Variants in SHPRH observed in about 807,000 individuals in gnomAD.
SHPRH encodes the protein SNF2 histone linker PHD RING helicase, also known as E3 ubiquitin-protein ligase SHPRH.
SHPRH carries 106 observed loss-of-function variants against 202.5 expected under a neutral mutation model. The observed-to-expected ratio is 0.52, with a 90% CI of 0.45 to 0.62. SHPRH has a LOEUF of 0.62. Ranked by LOEUF, SHPRH falls within the 20% of genes least tolerant of loss-of-function variation. The pLI is 0.00. For synonymous variants in SHPRH, 729 were observed against 686.0 expected, an observed-to-expected ratio of 1.06 and a Z score of -0.98; for missense variants, 1,710 against 2,020.0, an observed-to-expected ratio of 0.85 and a Z score of 2.94.
In SHPRH at chr6:145,923,746, T is replaced by G; in HGVS notation, c.3442A>C (p.Arg1148=). The G allele has an allele frequency of 6.2e-7, 1 of 1,611,404 alleles. No homozygotes were observed. ...NSPWWLNVIH[R]AIEFTIDEEL... ...TCATCAATAGTAAATTCTATTGCTC[T>G]GTGGATCACATTTAGCCACCAAGGA... Residue 1148 remains arginine, a synonymous_variant, in exon 18 of 30, where the codon AGA becomes CGA. Transcript: ENST00000275233.
intron 29 of SHPRH, among the ~76,000 whole-genome samples, 192 bp downstream of exon 29, chr6:145,887,828 A>G (rs1479416126): frequency 6.6e-6 from 1 of 152,228 alleles, no homozygotes; most frequent in African/African-American, 2.4e-5. Flanking sequence ...TGTTACAATT[A>G]ATAAATTAAT....
chr6:145,882,007 G>A (rs2128700932), downstream of SHPRH, among the ~76,000 whole-genome samples: 1 of 151,234 alleles, frequency 6.6e-6, no homozygotes, highest in South Asian at 2.1e-4. Context: ...GAGGTGAGGA[G>A]ATCACCTCAG....
intron 25 of SHPRH, among the ~76,000 whole-genome samples, chr6:145,897,076 GA>G (rs1157010409): frequency 4.0e-5 from 6 of 151,040 alleles, no homozygotes; most frequent in Admixed American, 3.3e-4. Flanking sequence ...ATAGAGATCA[GA>G]AAAAAAATTA....
At position 145,910,527 on chromosome 6, in the gene SHPRH, C is replaced by T; in HGVS notation, c.4436G>A (p.Arg1479His). 1.2e-6 allele frequency: 2 copies of T among 1,612,852 alleles called. No individual in the cohort carries two copies. The highest frequency in any genetic ancestry group is 1.7e-6 in the Non-Finnish European group (2 of 1,179,562). Residue 1479 changes from arginine to histidine, a missense_variant, in exon 25 of 30, where the codon CGC (arginine) becomes CAC (histidine). This residue lies in a region of SHPRH where 306 missense variants were observed against 479.5 expected (regional missense o/e 0.64). Coordinates refer to ENST00000275233, the MANE Select transcript of SHPRH (RefSeq NM_001042683.3). ...HRSSIKCAIC[R>H]QTTSHKEISY... ...GATTTCTTTGTGAGATGTGGTCTGG[C>T]GGCAGATTGCACACTTAATGGAGCT...
intron 24 of SHPRH, among the ~76,000 whole-genome samples, chr6:145,912,242 G>C (rs1465351532): frequency 2.6e-5 from 4 of 151,722 alleles, no homozygotes; most frequent in Admixed American, 2.6e-4. Context: ...AATTAGAAGG[G>C]GGGAGAACTG....
intron 28 of SHPRH, among the ~76,000 whole-genome samples, chr6:145,892,957 G>A (rs1781694088): frequency 6.6e-6 from 1 of 151,958 alleles, no homozygotes; most frequent in African/African-American, 2.4e-5. Flanking sequence ...GTTTTTGTGG[G>A]AGGGAAGAAA....
intron 2 of SHPRH, among the ~76,000 whole-genome samples, chr6:145,875,631 T>C (rs891155533): frequency 6.6e-6 from 1 of 152,216 alleles, no homozygotes; most frequent in Admixed American, 6.5e-5. Flanking sequence ...AGTTAGCAAG[T>C]GTGCCAGATT....
rs1372658939 is a variant in SHPRH at position 145,924,739 on chromosome 6, C to T, written c.3402G>A (p.Lys1134=). 33 of 1,610,564 alleles carry T rather than the reference C, an allele frequency of 2.0e-5. No individual in the cohort carries two copies. Among genetic ancestry groups the T allele is most frequent in the Non-Finnish European group, 2.7e-5 (32 of 1,177,788 alleles). Reference sequence around the variant, plus strand: ...TAAGAAACACTGCATTTTGGCATACCTTTCTTTGAAGCTCATGGATGGTCT... The same window carrying T: ...TAAGAAACACTGCATTTTGGCATACTTTTCTTTGAAGCTCATGGATGGTCT... ...VQQTIHELQR[K]IHSNSPWWLN... is the part of the protein sequence containing the mutation. Residue 1134 remains lysine, a splice_region_variant and synonymous_variant, in exon 17 of 30, where the codon AAG becomes AAA. Transcript: ENST00000275233.
At chr6:145,888,280 G>A (rs963675214) in intron 28 of SHPRH, among the ~76,000 whole-genome samples, 180 bp from the exon 29 acceptor site, 1 of 152,128 alleles carries the variant, frequency 6.6e-6, no homozygotes, top group South Asian at 2.1e-4. Flanking sequence ...ACATTCTAAT[G>A]AGAGACAGAC....
Position 145,947,574 on chromosome 6 carries a change from A to C in SHPRH, c.1131T>G (p.Leu377=). The C allele has an allele frequency of 6.2e-7, 1 of 1,613,024 alleles. No homozygotes were observed. The highest frequency in any genetic ancestry group is 1.7e-5 in the Admixed American group (1 of 59,866). The change falls in exon 6 of 30, where the codon CTT becomes CTG. Residue 377 remains leucine (L), a synonymous_variant. Transcript: ENST00000275233. ...LGGILADEMG[L]GKTVEVLALI... is the part of the protein sequence containing the mutation. ...GAGCCAAAACCTCCACTGTCTTTCC[A>C]AGACCCATCTCATCTGCTAAAATTC...
the SHPRH span, among the ~76,000 whole-genome samples, chr6:145,858,739 A>G: frequency 6.6e-6 from 1 of 152,108 alleles, no homozygotes; most frequent in Non-Finnish European, 1.5e-5. Flanking sequence ...AAAACTTAAA[A>G]CAACGATGGT....
chr6:145,891,515 C>T (rs1781563022), intron 28 of SHPRH, among the ~76,000 whole-genome samples: 1 of 152,138 alleles, frequency 6.6e-6, no homozygotes, highest in African/African-American at 2.4e-5. Context: ...TTTCTGTCTA[C>T]CAACCCCATT....
chr6:145,929,461 TAA>T (rs1355767372), intron 14 of SHPRH, among the ~76,000 whole-genome samples: 3 of 152,060 alleles, frequency 2.0e-5, no homozygotes, highest in Non-Finnish European at 2.9e-5. Context: ...AGATTTCTTT[TAA>T]AAGTCAGACC....
At chr6:145,864,784 G>A (rs1182268490) in intron 2 of SHPRH, among the ~76,000 whole-genome samples, 1 of 151,936 alleles carries the variant, frequency 6.6e-6, no homozygotes, top group Non-Finnish European at 1.5e-5. Context: ...TTCTGTGACA[G>A]TCTACACTGA....
intron 2 of SHPRH, chr6:145,876,771 G>C (rs1780323176): frequency 6.6e-6 from 1 of 152,162 alleles, no homozygotes; most frequent in Non-Finnish European, 1.5e-5. Context: ...TAAAGATAAG[G>C]TGTGTATAGA....
intron 11 of SHPRH, among the ~76,000 whole-genome samples, chr6:145,936,930 A>T (rs1425450900): frequency 6.6e-5 from 10 of 150,990 alleles, no homozygotes; most frequent in African/African-American, 2.4e-4. Context: ...TCTCAAACTC[A>T]ACTTGCCGAA....
chr6:145,947,449 A>C, intron 6 of SHPRH, 44 bp downstream of exon 6: 1 of 1,583,842 alleles, frequency 6.3e-7, no homozygotes, highest in Non-Finnish European at 8.6e-7. Flanking sequence ...GCTTTTCGAG[A>C]ACATATGTCC....
chr6:145,905,766 C>T (rs1002019990), intron 25 of SHPRH: 3 of 151,962 alleles, frequency 2.0e-5, no homozygotes, highest in Non-Finnish European at 4.4e-5. Context: ...AAAATGTATT[C>T]AGGGGATTCA....
At chr6:145,919,621 A>C in intron 21 of SHPRH, 130 bp from the exon 22 acceptor site, 1 of 1,033,084 alleles carries the variant, frequency 9.7e-7, no homozygotes, top group South Asian at 1.8e-5. Context: ...CTAACGTACA[A>C]GTAGTTCCTG....
Sources: gnomAD v4.1 joint callset for allele counts (sites outside exome capture counted in the v4.1 genomes callset) on GRCh38, gnomAD v4.1.1 for gene constraint, gnomAD v4.1.1 regional missense constraint, MANE v1.5 for transcripts, NCBI Gene and HGNC (gene_info 2026-07-23, HGNC 2026-07-21) for gene names.